The following TMEM121B variants were observed in gnomAD, a reference collection of about 807,000 sequenced individuals.
TMEM121B encodes cat eye syndrome chromosome region, candidate 6.
A neutral mutation model predicts 25.1 loss-of-function variants in TMEM121B; 14 were observed. The ratio of observed to expected loss-of-function variants is 0.56; its 90% CI spans 0.37 to 0.87. The LOEUF is 0.87. Ranked by LOEUF, TMEM121B falls within the 40% of genes least tolerant of loss-of-function variation. TMEM121B has a pLI of 0.00. For synonymous variants in TMEM121B, 458 were observed against 420.9 expected (o/e 1.09, Z -1.08); for missense variants, 850 against 854.6 (o/e 0.99, Z 0.07).
In TMEM121B at chr22:17,119,243, C is replaced by T; in HGVS notation, c.*148G>A. 2 of 1,242,344 alleles carry T rather than the reference C, an allele frequency of 1.6e-6. No individual in the cohort carries two copies. The highest frequency in any genetic ancestry group is 1.5e-5 in the South Asian group (1 of 64,982). 77.0% of individuals were successfully genotyped at this position (1,242,344 alleles called of 1,614,324 possible). A position where few individuals can be genotyped will look rare whatever the true frequency, so the allele number is the denominator to read the frequency against. The stretch of plus-strand genomic sequence containing the variant: ...TGGTCTCCCTCCAAGCCGTCCTCAC[C>T]CCAGGGTGCAGAAGAACACCCTGGC... On this transcript the variant is annotated 3_prime_UTR_variant, in exon 1 of 1. Coordinates refer to ENST00000331437, the MANE Select transcript of TMEM121B (RefSeq NM_031890.4).
Position 17,121,228 on chromosome 22 carries a change from C to G in TMEM121B, c.-101G>C. On this transcript the variant is annotated 5_prime_UTR_variant, in exon 1 of 1. Transcript: ENST00000331437. Reference sequence around the variant, plus strand: ...GCCGAGGGGAGCCGGGGCCCGCCGCCTCCCCAGCAGTGGGGACTCGCACCT... The same window carrying G: ...GCCGAGGGGAGCCGGGGCCCGCCGCGTCCCCAGCAGTGGGGACTCGCACCT... 8.7e-7 allele frequency: 1 copy of G among 1,150,312 alleles called. No homozygotes were observed. The highest frequency in any genetic ancestry group is 1.1e-6 in the Non-Finnish European group (1 of 908,018). 71.3% of individuals were successfully genotyped at this position (1,150,312 alleles called of 1,614,324 possible).
rs2061483179 is a variant in TMEM121B at position 17,119,229 on chromosome 22, C to T, written c.*162G>A. On this transcript the variant is annotated 3_prime_UTR_variant, in exon 1 of 1. Transcript: ENST00000331437. ...TCACCGTTAACTGCTGGTCTCCCTC[C>T]AAGCCGTCCTCACCCCAGGGTGCAG... is the stretch of plus-strand genomic sequence containing the variant. 1 of 1,059,384 alleles carries T rather than the reference C, an allele frequency of 9.4e-7. No individual in the cohort carries two copies. The highest frequency in any genetic ancestry group is 1.3e-6 in the Non-Finnish European group (1 of 749,092). The allele number at this position is 1,059,384 out of a possible 1,614,324, so 65.6% of individuals were successfully genotyped here. A position where few individuals can be genotyped will look rare whatever the true frequency, so the allele number is the denominator to read the frequency against.
chr22:17,120,918 G>A lies in TMEM121B; in HGVS notation c.210C>T (p.Ser70=). 1 of 1,405,346 alleles carries A rather than the reference G, an allele frequency of 7.1e-7. No homozygotes were observed. Among genetic ancestry groups the A allele is most frequent in the Non-Finnish European group, 9.2e-7 (1 of 1,081,398 alleles). 87.1% of individuals were successfully genotyped at this position (1,405,346 alleles called of 1,614,324 possible). A position where few individuals can be genotyped will look rare whatever the true frequency, so the allele number is the denominator to read the frequency against. The change falls in exon 1 of 1, where the codon AGC becomes AGT. Residue 70 remains serine, a synonymous_variant. Coordinates refer to ENST00000331437, the MANE Select transcript of TMEM121B (RefSeq NM_031890.4). The stretch of plus-strand genomic sequence containing the variant: ...CGTCCTCGCGCTCGGCGCCCGTGCT[G>A]CTGCTCGGGGAGCCGCCGCCCCCGC... The part of the protein sequence containing the change: ...RRGGGGGSPS[S]STGAEREDDD...
chr22:17,119,916 G>C lies in TMEM121B; in HGVS notation c.1212C>G (p.Leu404=). Reference sequence around the variant, plus strand: ...TCAGCTCCACCAGCGTGAAGCTGTCGAGCAGGTCCAAGCACGTGCCCAGGA... The same window carrying C: ...TCAGCTCCACCAGCGTGAAGCTGTCCAGCAGGTCCAAGCACGTGCCCAGGA... ...GCFLGTCLDL[L]DSFTLVELML... The change falls in exon 1 of 1, where the codon CTC becomes CTG. Residue 404 remains leucine, a synonymous_variant. Coordinates refer to ENST00000331437, the MANE Select transcript of TMEM121B (RefSeq NM_031890.4). 6.4e-7 allele frequency: 1 copy of C among 1,568,638 alleles called. No individual in the cohort carries two copies. The highest frequency in any genetic ancestry group is 8.6e-7 in the Non-Finnish European group (1 of 1,163,464).
rs989655902 is a variant in TMEM121B at position 17,120,684 on chromosome 22, G to T, written c.444C>A (p.Gly148=). The change falls in exon 1 of 1, where the codon GGC becomes GGA. Residue 148 remains glycine (G), a synonymous_variant. Coordinates refer to ENST00000331437, the MANE Select transcript of TMEM121B (RefSeq NM_031890.4). ...GGGAAAGAVG[G]PGSRSAGGAG... ...CGCCCCCCGCCGAGCGGCTCCCGGG[G>T]CCCCCGACGGCCCCGGCCGCGGCGC... 4 of 1,183,214 alleles carry T rather than the reference G, an allele frequency of 3.4e-6. No homozygotes were observed. Among genetic ancestry groups the T allele is most frequent in the Non-Finnish European group, 3.1e-6 (3 of 958,018 alleles). The allele number at this position is 1,183,214 out of a possible 1,614,324, so 73.3% of individuals were successfully genotyped here. A position where few individuals can be genotyped will look rare whatever the true frequency, so the allele number is the denominator to read the frequency against.
At position 17,119,502 on chromosome 22, in the gene TMEM121B, T is replaced by A; in HGVS notation, c.1626A>T (p.Pro542=). The change falls in exon 1 of 1, where the codon CCA becomes CCT. Residue 542 remains proline, a synonymous_variant. Transcript: ENST00000331437. ...GGYGAPPSAP[P]PPPPPPQGGS... ...CTCCCTGAGGTGGTGGCGGAGGTGG[T>A]GGAGGGGCGGAGGGCGGAGCACCGT... is the stretch of plus-strand genomic sequence containing the variant. 6.3e-7 allele frequency: 1 copy of A among 1,586,790 alleles called. No individual in the cohort carries two copies. The highest frequency in any genetic ancestry group is 1.1e-5 in the South Asian group (1 of 87,358).
At position 17,119,258 on chromosome 22, in the gene TMEM121B, A is replaced by ACACCCCAGGGTGCAGAAGG; in HGVS notation, c.*132_*133insCCTTCTGCACCCTGGGGTG. On this transcript the variant is annotated 3_prime_UTR_variant, in exon 1 of 1. Coordinates refer to ENST00000331437, the MANE Select transcript of TMEM121B (RefSeq NM_031890.4). Reference sequence around the variant, plus strand: ...CCGTCCTCACCCCAGGGTGCAGAAGAACACCCTGGCCCTTAGCCCTGAAAA... The same window carrying ACACCCCAGGGTGCAGAAGG: ...CCGTCCTCACCCCAGGGTGCAGAAGACACCCCAGGGTGCAGAAGGACACCCTGGCCCTTAGCCCTGAAAA... 3 of 1,400,102 alleles carry ACACCCCAGGGTGCAGAAGG rather than the reference A, an allele frequency of 2.1e-6. No homozygotes were observed. The African/African-American group carries it at 4.4e-5, about 21-fold the overall frequency. 86.7% of individuals were successfully genotyped at this position (1,400,102 alleles called of 1,614,324 possible).
chr22:17,119,405 C>G lies in TMEM121B; in HGVS notation c.1723G>C (p.Ala575Pro). The G allele has an allele frequency of 2.5e-6, 4 of 1,601,502 alleles. No homozygotes were observed. Among genetic ancestry groups the G allele is most frequent in the Non-Finnish European group, 3.4e-6 (4 of 1,174,212 alleles). Reference protein sequence around the residue: ...AHGYVNTLAVASQN With the variant: ...AHGYVNTLAVPSQN ...GCCCTTCACCCTCAATTCTGAGAGG[C>G]CACAGCCAGGGTGTTGACATAGCCA... Residue 575 changes from alanine to proline, a missense_variant, in exon 1 of 1, where the codon GCC becomes CCC. Physicochemically the swap from Ala to Pro is conservative, Grantham distance 27. Transcript: ENST00000331437.
chr22:17,119,460 G>C lies in TMEM121B; in HGVS notation c.1668C>G (p.His556Gln), dbSNP rs774248876. 6.2e-7 allele frequency: 1 copy of C among 1,607,628 alleles called. No individual in the cohort carries two copies. The highest frequency in any genetic ancestry group is 8.5e-7 in the Non-Finnish European group (1 of 1,177,192). ...PPPQGGSQLG[H>Q]CISENEGGAH... ...CACCCCCCTCGTTCTCCGAGATGCA[G>C]TGGCCCAGCTGGGAGCCTCCCTGAG... The change falls in exon 1 of 1, where the codon CAC becomes CAG. Residue 556 changes from histidine to glutamine, a missense_variant. Transcript: ENST00000331437.
Position 17,121,219 on chromosome 22 carries a change from G to A in TMEM121B, c.-92C>T, listed in dbSNP as rs2061498844. ...GGCTAGGCGGCCGAGGGGAGCCGGG[G>A]CCCGCCGCCTCCCCAGCAGTGGGGA... On this transcript the variant is annotated 5_prime_UTR_variant, in exon 1 of 1. Coordinates refer to ENST00000331437, the MANE Select transcript of TMEM121B (RefSeq NM_031890.4). The A allele has an allele frequency of 8.6e-7, 1 of 1,168,662 alleles. No homozygotes were observed. The highest frequency in any genetic ancestry group is 4.3e-5 in the Admixed American group (1 of 23,036). 72.4% of individuals were successfully genotyped at this position (1,168,662 alleles called of 1,614,324 possible).
Position 17,119,538 on chromosome 22 carries a change from G to T in TMEM121B, c.1590C>A (p.Ala530=). 6.4e-7 allele frequency: 1 copy of T among 1,556,134 alleles called. No individual in the cohort carries two copies. Among genetic ancestry groups the T allele is most frequent in the Non-Finnish European group, 8.7e-7 (1 of 1,151,814 alleles). ...DRGNRASPSR[A]RGGYGAPPSA... ...AGGGCGGAGCACCGTAGCCCCCTCT[G>T]GCCCGACTCGGGGAGGCCCGATTGC... Residue 530 remains alanine (A), a synonymous_variant, in exon 1 of 1, where the codon GCC becomes GCA. Coordinates refer to ENST00000331437, the MANE Select transcript of TMEM121B (RefSeq NM_031890.4).
rs1433532640 is a variant in TMEM121B, at chr22:17,119,957, G to T, written c.1171C>A (p.Arg391Ser). The T allele has an allele frequency of 4.4e-6, 7 of 1,578,026 alleles. No homozygotes were observed. Among genetic ancestry groups the T allele is most frequent in the Non-Finnish European group, 5.1e-6 (6 of 1,167,316 alleles). ...GPLLLQPQRHRAAGCFLGTCL... is the reference protein window; with the variant it reads ...GPLLLQPQRHSAAGCFLGTCL... ...GTGCCCAGGAAGCATCCGGCCGCGCGGTGCCGCTGGGGCTGCAGCAGCAGG... is the reference window on the plus strand; with the variant it reads ...GTGCCCAGGAAGCATCCGGCCGCGCTGTGCCGCTGGGGCTGCAGCAGCAGG... Residue 391 changes from arginine (R) to serine (S), a missense_variant, in exon 1 of 1, where the codon CGC becomes AGC. Transcript: ENST00000331437.
rs9605219 is a variant in TMEM121B, at chr22:17,117,065, C to T, written c.*2326G>A. 0.044 allele frequency: 6,701 copies of T among 152,790 alleles called. 225 individuals carry two copies. Among genetic ancestry groups the T allele is most frequent in the Admixed American group, 0.074 (1,130 of 15,304 alleles). 9.5% of individuals were successfully genotyped at this position (152,790 alleles called of 1,614,324 possible). A position where few individuals can be genotyped will look rare whatever the true frequency, so the allele number is the denominator to read the frequency against. The stretch of plus-strand genomic sequence containing the variant: ...GGGGGCAGATCAGGGGGCCAGCCAG[C>T]GGCTGGCCATGGCTCAGACACAATG... On this transcript the variant is annotated 3_prime_UTR_variant, in exon 1 of 1. Transcript: ENST00000331437.
Position 17,120,929 on chromosome 22 carries a change from A to G in TMEM121B, c.199T>C (p.Ser67Pro). 1 of 1,404,818 alleles carries G rather than the reference A, an allele frequency of 7.1e-7. No individual in the cohort carries two copies. The highest frequency in any genetic ancestry group is 1.5e-5 in the South Asian group (1 of 67,858). 87.0% of individuals were successfully genotyped at this position (1,404,818 alleles called of 1,614,324 possible). A position where few individuals can be genotyped will look rare whatever the true frequency, so the allele number is the denominator to read the frequency against. The change falls in exon 1 of 1, where the codon TCC (serine) becomes CCC (proline). Residue 67 changes from serine (S) to proline (P), a missense_variant. By Grantham distance (74) the Ser-to-Pro change is moderately conservative. Coordinates refer to ENST00000331437, the MANE Select transcript of TMEM121B (RefSeq NM_031890.4). ...GGGRRGGGGG[S>P]PSSSTGAERE... ...TCGGCGCCCGTGCTGCTGCTCGGGG[A>G]GCCGCCGCCCCCGCCGCGTCTGCCG... is the stretch of plus-strand genomic sequence containing the variant.
chr22:17,119,806 A>G lies in TMEM121B; in HGVS notation c.1322T>C (p.Leu441Pro). 1 of 1,587,822 alleles carries G rather than the reference A, an allele frequency of 6.3e-7. No homozygotes were observed. The highest frequency in any genetic ancestry group is 8.5e-7 in the Non-Finnish European group (1 of 1,175,082). ...CGCGGCGTTGAGCTCGTAGAGCCAGAGCACCGGCGAGGCGAGGGTGAGGAA... is the reference window on the plus strand; with the variant it reads ...CGCGGCGTTGAGCTCGTAGAGCCAGGGCACCGGCGAGGCGAGGGTGAGGAA... ...VYFLTLASPV[L>P]WLYELNAAAA... Residue 441 changes from leucine (L) to proline (P), a missense_variant, in exon 1 of 1, where the codon CTC becomes CCC. Leu to Pro is a moderately conservative substitution (Grantham distance 98). Coordinates refer to ENST00000331437, the MANE Select transcript of TMEM121B (RefSeq NM_031890.4).
chr22:17,121,261 G>T lies in TMEM121B; in HGVS notation c.-134C>A. The T allele has an allele frequency of 1.1e-6, 1 of 894,726 alleles. No individual in the cohort carries two copies. The allele number at this position is 894,726 out of a possible 1,614,324, so 55.4% of individuals were successfully genotyped here. Reference sequence around the variant, plus strand: ...CAGTGGGGACTCGCACCTGGGCCGGGCGGCGGCGAGATCCGGACTGGAGCC... The same window carrying T: ...CAGTGGGGACTCGCACCTGGGCCGGTCGGCGGCGAGATCCGGACTGGAGCC... On this transcript the variant is annotated 5_prime_UTR_variant, in exon 1 of 1. Transcript: ENST00000331437.
rs971768 is a variant in TMEM121B at position 17,116,572 on chromosome 22, G to A, written c.*2819C>T. ...ACTTGCTGAATTGTTAGGAGCAGGCGGTTCTCGAGATTCTGAGCCCAGGAT... is the reference window on the plus strand; with the variant it reads ...ACTTGCTGAATTGTTAGGAGCAGGCAGTTCTCGAGATTCTGAGCCCAGGAT... On this transcript the variant is annotated 3_prime_UTR_variant, in exon 1 of 1. Transcript: ENST00000331437. 0.084 allele frequency: 12,808 copies of A among 152,258 alleles called. 1,053 individuals carry two copies. Among genetic ancestry groups the A allele is most frequent in the East Asian group, 0.36 (1,845 of 5,176 alleles). 9.4% of individuals were successfully genotyped at this position (152,258 alleles called of 1,614,324 possible). A position where few individuals can be genotyped will look rare whatever the true frequency, so the allele number is the denominator to read the frequency against.
Position 17,121,275 on chromosome 22 carries a change from C to T in TMEM121B, c.-148G>A. 6 of 707,860 alleles carry T rather than the reference C, an allele frequency of 8.5e-6. No homozygotes were observed. The highest frequency in any genetic ancestry group is 1.2e-5 in the Non-Finnish European group (6 of 515,502). The allele number at this position is 707,860 out of a possible 1,614,324, so 43.8% of individuals were successfully genotyped here. ...ACCTGGGCCGGGCGGCGGCGAGATC[C>T]GGACTGGAGCCACTGGACTGGGCGA... On this transcript the variant is annotated 5_prime_UTR_variant, in exon 1 of 1. Transcript: ENST00000331437.
In TMEM121B at chr22:17,119,201, C is replaced by T; in HGVS notation, c.*190G>A. On this transcript the variant is annotated 3_prime_UTR_variant, in exon 1 of 1. Coordinates refer to ENST00000331437, the MANE Select transcript of TMEM121B (RefSeq NM_031890.4). ...GAGGAGAGGGTAAGTGCACCTACCT[C>T]CCTCACCGTTAACTGCTGGTCTCCC... 2 of 740,200 alleles carry T rather than the reference C, an allele frequency of 2.7e-6. No individual in the cohort carries two copies. The highest frequency in any genetic ancestry group is 2.1e-5 in the South Asian group (1 of 47,842). The allele number at this position is 740,200 out of a possible 1,614,324, so 45.9% of individuals were successfully genotyped here.
Sources: gnomAD v4.1 joint callset for allele counts on GRCh38, gnomAD v4.1.1 for gene constraint, MANE v1.5 for transcripts, NCBI Gene and HGNC (gene_info 2026-07-23, HGNC 2026-07-21) for gene names.